Variants in GSE1 observed in about 807,000 individuals in gnomAD.
GSE1 encodes Gse1 coiled-coil protein, also known as genetic suppressor element 1.
In GSE1, 32 loss-of-function variants were observed where a neutral mutation model predicts 112.6. The ratio of observed to expected loss-of-function variants is 0.28; its 90% CI spans 0.21 to 0.38. The LOEUF is 0.38. GSE1 is among the 10% of genes least tolerant of loss of function. The probability of loss-of-function intolerance (pLI) is 1.00; values close to 1 mark genes in which losing one functional copy is unlikely to be tolerated. For synonymous variants in GSE1, 1,115 were observed against 735.6 expected (o/e 1.52, Z -8.35); for missense variants, 2,348 against 1,699.2 (o/e 1.38, Z -6.71).
chr16:85,366,154 C>T (rs542829128), intron 2 of GSE1, among the ~76,000 whole-genome samples: 10 of 152,406 alleles, frequency 6.6e-5, no homozygotes, highest in African/African-American at 2.2e-4. Flanking sequence ...GGGCTCCGGC[C>T]TCCCGAAGTC....
chr16:85,612,146 G>C (rs943258779), upstream of GSE1, among the ~76,000 whole-genome samples: 1 of 151,828 alleles, frequency 6.6e-6, no homozygotes, highest in African/African-American at 2.4e-5. Flanking sequence ...AGCCCAGGGC[G>C]CCAGAAGGCG....
chr16:85,620,928 G>T lies in GSE1; in HGVS notation c.7+7530G>T, dbSNP rs1017687499. ...TCTGCTCTGTTGGGGAAGCCGTGTA[G>T]ATGGTCTCGGCCATGGGTGTCTGCT... is the stretch of plus-strand genomic sequence containing the variant. On this transcript the variant is annotated intron_variant, in intron 1 of 15. Transcript: ENST00000253458. 2.0e-5 allele frequency among the ~76,000 whole-genome samples: 3 copies of T among 152,180 alleles called. No individual in the cohort carries two copies. The East Asian group carries it at 5.8e-4, about 30-fold the overall frequency.
At chr16:85,445,359 T>C (rs539384998) in intron 2 of GSE1, among the ~76,000 whole-genome samples, 2 of 152,260 alleles carry the variant, frequency 1.3e-5, no homozygotes, top group East Asian at 3.9e-4. Flanking sequence ...AGGCAGACCG[T>C]GAACATGGGG....
At chr16:85,331,519 GTA>G (rs1487310802) in intron 1 of GSE1, among the ~76,000 whole-genome samples, 26,864 of 111,362 alleles carry the variant, frequency 0.24, 3,658 homozygotes, top group East Asian at 0.52. Flanking sequence ...GTATATATGT[GTA>G]TATATGTGTA....
rs573437626 is a variant in GSE1, at chr16:85,654,473, C to A, written c.599+23C>A. ...CAAGTAAGTTGGTCGGCGGGGACTT[C>A]GGTGAGGTGGCCAGGTGGGGACACA... is the stretch of plus-strand genomic sequence containing the variant. On this transcript the variant is annotated intron_variant, in intron 4 of 15. Coordinates refer to ENST00000253458, the MANE Select transcript of GSE1 (RefSeq NM_014615.5). 9 of 1,549,674 alleles carry A rather than the reference C, an allele frequency of 5.8e-6. No homozygotes were observed. In the East Asian group the frequency reaches 1.1e-4, roughly 19 times the overall value.
At chr16:85,428,880 A>G (rs2049053061) in intron 2 of GSE1, among the ~76,000 whole-genome samples, 1 of 152,194 alleles carries the variant, frequency 6.6e-6, no homozygotes, top group Non-Finnish European at 1.5e-5. Flanking sequence ...ACAGCAGACC[A>G]GTAAACTGTC....
chr16:85,612,505 C>T (rs930854273), upstream of GSE1, among the ~76,000 whole-genome samples: 5 of 152,248 alleles, frequency 3.3e-5, no homozygotes, highest in South Asian at 2.1e-4. Flanking sequence ...TTAATGATCC[C>T]CCTGGCGAAG....
intron 2 of GSE1, among the ~76,000 whole-genome samples, chr16:85,503,386 G>GCTC (rs980304973): frequency 1.3e-5 from 2 of 152,040 alleles, no homozygotes; most frequent in African/African-American, 2.4e-5. Flanking sequence ...CTCAGCTGCC[G>GCTC]CTCCTCCTCC....
At chr16:85,193,172 G>T (rs150002133) in intron 1 of GSE1, among the ~76,000 whole-genome samples, 9 of 152,206 alleles carry the variant, frequency 5.9e-5, no homozygotes, top group Admixed American at 4.6e-4. Flanking sequence ...AAAAAAGGTT[G>T]AACACCGAGT....
chr16:85,501,727 C>A (rs1471357017), intron 2 of GSE1, among the ~76,000 whole-genome samples: 1 of 152,212 alleles, frequency 6.6e-6, no homozygotes, highest in Non-Finnish European at 1.5e-5. Flanking sequence ...GGTACCAGTT[C>A]AGCCCACAAC....
chr16:85,182,181 A>C lies in GSE1; in HGVS notation c.2283+10374A>C, dbSNP rs544359534. ...ACCCTCCCCGCCCCCCGCTGCCAGGAGTCCGGGTAGTCTGGGCTCCTGTGG... is the reference window on the plus strand; with the variant it reads ...ACCCTCCCCGCCCCCCGCTGCCAGGCGTCCGGGTAGTCTGGGCTCCTGTGG... On this transcript the variant is annotated intron_variant, in intron 1 of 2. Coordinates refer to the GSE1 transcript ENST00000637419. 1.7e-3 allele frequency among the ~76,000 whole-genome samples: 262 copies of C among 151,162 alleles called. 3 individuals are homozygous for C. Among genetic ancestry groups the C allele is most frequent in the African/African-American group, 5.7e-3 (237 of 41,402 alleles).
intron 2 of GSE1, among the ~76,000 whole-genome samples, chr16:85,484,520 A>G (rs1420496982): frequency 6.6e-6 from 1 of 152,258 alleles, no homozygotes; most frequent in Non-Finnish European, 1.5e-5. Context: ...CCCTTGAGTG[A>G]CGAAGCCAGG....
intron 9 of GSE1, among the ~76,000 whole-genome samples, chr16:85,662,010 C>T (rs2052475223): frequency 6.6e-6 from 1 of 152,222 alleles, no homozygotes; most frequent in Non-Finnish European, 1.5e-5. Flanking sequence ...AAATCAAAGC[C>T]CGCCTGTGAA....
At chr16:85,384,145 C>A (rs979433612) in intron 2 of GSE1, among the ~76,000 whole-genome samples, 2 of 152,230 alleles carry the variant, frequency 1.3e-5, no homozygotes, top group African/African-American at 4.8e-5. Flanking sequence ...CAGGGGGGCA[C>A]AGACTCAAAG....
At chr16:85,397,252 T>TAGCA (rs2047988245) in intron 2 of GSE1, among the ~76,000 whole-genome samples, 1 of 152,196 alleles carries the variant, frequency 6.6e-6, no homozygotes, top group Admixed American at 6.5e-5. Flanking sequence ...GGGAAGCAGA[T>TAGCA]AGCAGCTCAG....
chr16:85,464,714 A>G (rs570734527), intron 2 of GSE1, among the ~76,000 whole-genome samples: 1 of 152,230 alleles, frequency 6.6e-6, no homozygotes, highest in African/African-American at 2.4e-5. Flanking sequence ...CCTCTGCCAC[A>G]CCAACTCCCC....
At chr16:85,205,853 C>T (rs1311327173) in intron 1 of GSE1, among the ~76,000 whole-genome samples, 2 of 152,204 alleles carry the variant, frequency 1.3e-5, no homozygotes, top group African/African-American at 4.8e-5. Context: ...CTGACTCATT[C>T]ATTCATCTGG....
chr16:85,603,905 C>T (rs1362413165), intron 1 of GSE1, among the ~76,000 whole-genome samples: 1 of 152,238 alleles, frequency 6.6e-6, no homozygotes, highest in Non-Finnish European at 1.5e-5. Context: ...TCCTAATATG[C>T]AGCCCTCGTC....
intron 1 of GSE1, among the ~76,000 whole-genome samples, chr16:85,195,774 G>C (rs547530983): frequency 2.0e-4 from 30 of 152,316 alleles, no homozygotes; most frequent in Admixed American, 1.9e-3. Context: ...TCCCGGAAAG[G>C]TTAGAAAGAA....
Sources: gnomAD v4.1 joint callset for allele counts (sites outside exome capture counted in the v4.1 genomes callset) on GRCh38, gnomAD v4.1.1 for gene constraint, MANE v1.5 for transcripts, NCBI Gene and HGNC (gene_info 2026-07-23, HGNC 2026-07-21) for gene names.